The following SLC4A10 variants were observed in gnomAD, a reference collection of about 807,000 sequenced individuals.
SLC4A10 encodes the protein solute carrier family 4 member 10.
A neutral mutation model predicts 137.7 loss-of-function variants in SLC4A10; 42 were observed. That is an observed-to-expected ratio of 0.30 (90% confidence interval 0.24 to 0.39). The LOEUF is 0.39. Among genes scored for constraint, SLC4A10 ranks in the 10% least tolerant of loss-of-function variants. SLC4A10 has a pLI of 1.00. For synonymous variants in SLC4A10, 474 were observed against 464.1 expected, an observed-to-expected ratio of 1.02 and a Z score of -0.27; for missense variants, 925 against 1,355.0, an observed-to-expected ratio of 0.68 and a Z score of 4.98.
intron 1 of SLC4A10, among the ~76,000 whole-genome samples, chr2:161,671,162 C>A (rs2039667366): frequency 6.6e-6 from 1 of 152,026 alleles, no homozygotes; most frequent in African/African-American, 2.4e-5. Flanking sequence ...AGGGCAGAGC[C>A]CTGATCGATA....
chr2:161,949,678 A>T (rs1232624625), intron 18 of SLC4A10, among the ~76,000 whole-genome samples: 1 of 152,014 alleles, frequency 6.6e-6, no homozygotes, highest in East Asian at 1.9e-4. Context: ...AATATTCCTT[A>T]TCCAAAGTGC....
At chr2:161,642,918 G>C (rs575822901) in intron 1 of SLC4A10, among the ~76,000 whole-genome samples, 5 of 151,942 alleles carry the variant, frequency 3.3e-5, no homozygotes, top group African/African-American at 1.2e-4. Flanking sequence ...AAAATCATTT[G>C]GTTCAAGTTT....
intron 1 of SLC4A10, among the ~76,000 whole-genome samples, chr2:161,644,622 C>G (rs1206993005): frequency 6.6e-6 from 1 of 152,094 alleles, no homozygotes; most frequent in Non-Finnish European, 1.5e-5. Context: ...TGATTATGTA[C>G]AATTTTTTAC....
intron 15 of SLC4A10, among the ~76,000 whole-genome samples, chr2:161,934,890 TA>T (rs1310732280): frequency 6.6e-6 from 1 of 152,210 alleles, no homozygotes; most frequent in East Asian, 1.9e-4. Flanking sequence ...ATAGGTTGTA[TA>T]TTCACTCTGC....
intron 1 of SLC4A10, among the ~76,000 whole-genome samples, chr2:161,671,998 G>A (rs964977076): frequency 6.6e-6 from 1 of 152,264 alleles, no homozygotes. Context: ...TCAAGAAAGT[G>A]CACTTAAGGT....
At chr2:161,847,566 T>C (rs1308486962) in intron 4 of SLC4A10, among the ~76,000 whole-genome samples, 2 of 152,120 alleles carry the variant, frequency 1.3e-5, no homozygotes, top group African/African-American at 4.8e-5. Flanking sequence ...CAGTGTCTGT[T>C]GTTCCCTTCT....
intron 5 of SLC4A10, among the ~76,000 whole-genome samples, chr2:161,859,892 G>A (rs1402742954): frequency 2.0e-5 from 3 of 152,062 alleles, no homozygotes; most frequent in African/African-American, 7.2e-5. Context: ...GAGCCACCGC[G>A]CCTTTTCTCT....
chr2:161,664,152 C>CT (rs979367559), intron 1 of SLC4A10, among the ~76,000 whole-genome samples: 3 of 151,698 alleles, frequency 2.0e-5, no homozygotes, highest in Non-Finnish European at 2.9e-5. Flanking sequence ...AACCCTGATT[C>CT]TTTTTTTTAA....
intron 15 of SLC4A10, among the ~76,000 whole-genome samples, chr2:161,934,872 CTCATT>C (rs931573706): frequency 5.3e-5 from 8 of 151,508 alleles, no homozygotes; most frequent in African/African-American, 1.9e-4. Flanking sequence ...AATATTTTAT[CTCATT>C]CCATAGGTTG....
At chr2:161,925,721 G>T (rs1323173148) in intron 15 of SLC4A10, among the ~76,000 whole-genome samples, 1 of 151,934 alleles carries the variant, frequency 6.6e-6, no homozygotes, top group East Asian at 1.9e-4. Flanking sequence ...ACACTGCTTT[G>T]AATGTGTCCC....
chr2:161,835,645 T>A (rs1325210597), intron 3 of SLC4A10, among the ~76,000 whole-genome samples: 1 of 152,224 alleles, frequency 6.6e-6, no homozygotes, highest in Non-Finnish European at 1.5e-5. Flanking sequence ...TCTAAAAGAT[T>A]AATGATACAA....
At chr2:161,637,855 A>T (rs1028989140) in intron 1 of SLC4A10, among the ~76,000 whole-genome samples, 4 of 152,110 alleles carry the variant, frequency 2.6e-5, no homozygotes, top group Admixed American at 2.6e-4. Flanking sequence ...CCTGATTGTT[A>T]GTGATGTTGA....
chr2:161,649,738 T>C (rs918563352), intron 1 of SLC4A10, among the ~76,000 whole-genome samples: 1 of 151,976 alleles, frequency 6.6e-6, no homozygotes, highest in African/African-American at 2.4e-5. Context: ...AGTTCAAAAA[T>C]ATATTCTCTC....
intron 5 of SLC4A10, among the ~76,000 whole-genome samples, chr2:161,858,764 A>G (rs1485071275): frequency 6.6e-6 from 1 of 152,216 alleles, no homozygotes; most frequent in Non-Finnish European, 1.5e-5. Flanking sequence ...GGAAGAAATT[A>G]AAACCAAACC....
intron 1 of SLC4A10, among the ~76,000 whole-genome samples, chr2:161,770,237 C>T (rs1233717570): frequency 1.3e-5 from 2 of 151,730 alleles, no homozygotes; most frequent in Non-Finnish European, 2.9e-5. Flanking sequence ...TGTATTTTGT[C>T]TATTCCTGCA....
intron 1 of SLC4A10, among the ~76,000 whole-genome samples, chr2:161,647,112 C>T (rs1012523866): frequency 6.6e-5 from 10 of 152,062 alleles, no homozygotes; most frequent in Non-Finnish European, 8.8e-5. Flanking sequence ...AAACTGTTAA[C>T]GAAATCTGTT....
intron 1 of SLC4A10, among the ~76,000 whole-genome samples, chr2:161,720,828 TTTTTTTTTC>T (rs2125116908): frequency 6.7e-6 from 1 of 149,524 alleles, no homozygotes; most frequent in East Asian, 2.0e-4. Context: ...TTGACTCTTT[TTTTTTTTTC>T]TTTTTTTTCT....
intron 15 of SLC4A10, among the ~76,000 whole-genome samples, chr2:161,935,128 T>C (rs1691346885): frequency 6.6e-6 from 1 of 152,184 alleles, no homozygotes. Context: ...CCCAACACCA[T>C]TTGTTGAAGA....
chr2:161,930,544 A>T (rs1690159784), intron 15 of SLC4A10, among the ~76,000 whole-genome samples: 1 of 149,730 alleles, frequency 6.7e-6, no homozygotes, highest in South Asian at 2.1e-4. Flanking sequence ...AATTATATTA[A>T]TTTATATTAT....
Sources: allele counts gnomAD v4.1 joint callset (sites outside exome capture counted in the v4.1 genomes callset), GRCh38; gene constraint gnomAD v4.1.1; transcripts MANE v1.5; gene names NCBI Gene and HGNC (gene_info 2026-07-23, HGNC 2026-07-21).